Variants in RBFOX1 observed in about 807,000 individuals in gnomAD.
The protein encoded by RBFOX1 is RNA binding protein fox-1 homolog 1.
Under a neutral mutation model 57.7 loss-of-function variants are expected in RBFOX1, and 8 were observed. That is an observed-to-expected ratio of 0.14 (90% CI 0.08 to 0.25). The LOEUF (loss-of-function observed/expected upper bound fraction) is 0.25. Among genes scored for constraint, RBFOX1 ranks in the 10% least tolerant of loss-of-function variants. The pLI, the probability that RBFOX1 is intolerant of heterozygous loss-of-function variation, is 1.00. For missense variants in RBFOX1, 611 were observed against 548.5 expected (o/e 1.11, Z -1.14); for synonymous variants, 326 against 222.4 (o/e 1.47, Z -4.15).
intron 4 of RBFOX1, among the ~76,000 whole-genome samples, chr16:7,170,874 G>A (rs957097163): frequency 2.6e-5 from 4 of 152,190 alleles, no homozygotes; most frequent in Admixed American, 2.0e-4. Context: ...CTGCGCAGTT[G>A]AGGGTTTCAT....
intron 4 of RBFOX1, among the ~76,000 whole-genome samples, chr16:7,371,782 A>T (rs1236369910): frequency 6.6e-6 from 1 of 152,186 alleles, no homozygotes; most frequent in Non-Finnish European, 1.5e-5. Flanking sequence ...TAGATATATG[A>T]TACATACATG....
At chr16:5,346,020 C>G (rs1253082259) in intron 1 of RBFOX1, among the ~76,000 whole-genome samples, 1 of 152,166 alleles carries the variant, frequency 6.6e-6, no homozygotes, top group Non-Finnish European at 1.5e-5. Context: ...GTCAACAATC[C>G]CTTTCAGTAT....
At chr16:6,698,837 G>C (rs7191080) in intron 3 of RBFOX1, among the ~76,000 whole-genome samples, 149,415 of 152,250 alleles carry the variant, frequency 0.98, 73,380 homozygotes, top group Middle Eastern at 1. Context: ...GGAATTCCAT[G>C]TCCCCCACCT....
chr16:6,116,872 A>T (rs1401159317), intron 1 of RBFOX1, among the ~76,000 whole-genome samples: 1 of 152,068 alleles, frequency 6.6e-6, no homozygotes, highest in African/African-American at 2.4e-5. Context: ...GCTGTACAGT[A>T]AAGGTATTGA....
chr16:6,367,838 C>T (rs1373218008), intron 2 of RBFOX1, among the ~76,000 whole-genome samples: 1 of 152,014 alleles, frequency 6.6e-6, no homozygotes. Context: ...CAACCACAAA[C>T]CATCCTATCT....
intron 4 of RBFOX1, among the ~76,000 whole-genome samples, chr16:6,009,036 A>G (rs2094944089): frequency 6.6e-6 from 1 of 152,126 alleles, no homozygotes; most frequent in South Asian, 2.1e-4. Context: ...CTTTTCGACT[A>G]AAAATGGAGA....
intron 4 of RBFOX1, among the ~76,000 whole-genome samples, chr16:7,339,820 T>C (rs983275454): frequency 6.6e-6 from 1 of 152,192 alleles, no homozygotes; most frequent in Non-Finnish European, 1.5e-5. Context: ...AAAAAAAGCA[T>C]CTAGCTCCAG....
At chr16:7,059,212 C>A (rs2053483842) in intron 4 of RBFOX1, among the ~76,000 whole-genome samples, 1 of 152,318 alleles carries the variant, frequency 6.6e-6, no homozygotes, top group African/African-American at 2.4e-5. Context: ...TCACCCCTCT[C>A]CACTTTTTAA....
At chr16:7,343,472 G>T (rs2096936028) in intron 4 of RBFOX1, among the ~76,000 whole-genome samples, 1 of 152,158 alleles carries the variant, frequency 6.6e-6, no homozygotes, top group Admixed American at 6.5e-5. Context: ...CTTTGTTGAG[G>T]TTTAAAAGGG....
chr16:6,946,480 C>A (rs79459719), intron 3 of RBFOX1, among the ~76,000 whole-genome samples: 1 of 152,206 alleles, frequency 6.6e-6, no homozygotes, highest in Non-Finnish European at 1.5e-5. Flanking sequence ...GGGCTTTCTG[C>A]ATAGCCTGTT....
At chr16:6,859,094 A>G (rs573509141) in intron 3 of RBFOX1, among the ~76,000 whole-genome samples, 29 of 107,338 alleles carry the variant, frequency 2.7e-4, no homozygotes, top group Non-Finnish European at 4.9e-4. Context: ...TCAGTGTTGT[A>G]TTGTCCTAAA....
intron 14 of RBFOX1, among the ~76,000 whole-genome samples, chr16:7,680,109 A>C (rs1215761767): frequency 6.6e-6 from 1 of 152,108 alleles, no homozygotes; most frequent in Non-Finnish European, 1.5e-5. Context: ...GGTGTTGCTG[A>C]TGTGTCTGTG....
intron 2 of RBFOX1, among the ~76,000 whole-genome samples, chr16:5,556,656 A>C (rs2045688912): frequency 6.6e-6 from 1 of 151,944 alleles, no homozygotes; most frequent in Non-Finnish European, 1.5e-5. Flanking sequence ...CTGCAGACTG[A>C]CTCTCACCCT....
At chr16:6,524,549 G>C (rs1221095910) in intron 2 of RBFOX1, among the ~76,000 whole-genome samples, 1 of 152,178 alleles carries the variant, frequency 6.6e-6, no homozygotes, top group African/African-American at 2.4e-5. Context: ...GTACCACAAG[G>C]TTGTGGGCAC....
At chr16:5,486,850 A>G (rs2042645417) in intron 2 of RBFOX1, among the ~76,000 whole-genome samples, 1 of 152,068 alleles carries the variant, frequency 6.6e-6, no homozygotes. Flanking sequence ...TTAAGAATAA[A>G]ACCTGAGACT....
intron 15 of RBFOX1, chr16:7,709,984 G>C (rs7191609): frequency 0.082 from 82,811 of 1,006,678 alleles, 3,608 homozygotes; most frequent in African/African-American, 0.14. Flanking sequence ...AATACTTTTA[G>C]AAAAAGGAAA....
At chr16:7,523,497 G>C (rs575149054) in intron 5 of RBFOX1, among the ~76,000 whole-genome samples, 1 of 152,298 alleles carries the variant, frequency 6.6e-6, no homozygotes, top group South Asian at 2.1e-4. Context: ...ATAATTCCTA[G>C]AGTATTTGAA....
chr16:5,844,479 C>T (rs17138739), intron 3 of RBFOX1, among the ~76,000 whole-genome samples: 9,496 of 152,152 alleles, frequency 0.062, 868 homozygotes, highest in African/African-American at 0.2. Flanking sequence ...TGTCTTCATC[C>T]CTGACATCTG....
At chr16:7,090,390 T>C (rs2060629313) in intron 4 of RBFOX1, among the ~76,000 whole-genome samples, 1 of 152,182 alleles carries the variant, frequency 6.6e-6, no homozygotes, top group African/African-American at 2.4e-5. Context: ...GTAGATGGTA[T>C]AGTCTCCCTT....
Sources: allele counts gnomAD v4.1 joint callset (sites outside exome capture counted in the v4.1 genomes callset), GRCh38; gene constraint gnomAD v4.1.1; transcripts MANE v1.5; gene names NCBI Gene and HGNC (gene_info 2026-07-23, HGNC 2026-07-21).